SHROOM3: variants seen among roughly 807,000 people sequenced by gnomAD.
SHROOM3 encodes the protein protein Shroom3.
Under a neutral mutation model 138.6 loss-of-function variants are expected in SHROOM3, and 47 were observed. The ratio of observed to expected loss-of-function variants is 0.34; its 90% CI spans 0.27 to 0.43. The LOEUF is 0.43. SHROOM3 is among the 20% of genes least tolerant of loss of function. The pLI, the probability that SHROOM3 is intolerant of heterozygous loss-of-function variation, is 1.00. For missense variants in SHROOM3, 2,491 were observed against 2,596.5 expected (o/e 0.96, Z 0.88); for synonymous variants, 1,062 against 1,063.3 (o/e 1.00, Z 0.02).
rs796647227 is a variant in SHROOM3 at position 76,731,780 on chromosome 4, C to CA, written c.587+855dup. Among the ~76,000 whole-genome samples, 402 of 113,388 alleles carry CA rather than the reference C, an allele frequency of 3.5e-3. 2 individuals are homozygous for CA. Among genetic ancestry groups the CA allele is most frequent in the Middle Eastern group, 0.018 (4 of 220 alleles). The allele number at this position is 113,388 out of a possible 152,430, so 74.4% of individuals were successfully genotyped here. A position where few individuals can be genotyped will look rare whatever the true frequency, so the allele number is the denominator to read the frequency against. ...TGGGTGACAGAGTAAGACTTCATCT[C>CA]AAAAAAAAAACAAACAAACAAACAA... On this transcript the variant is annotated intron_variant, in intron 4 of 10. Coordinates refer to ENST00000296043, the MANE Select transcript of SHROOM3 (RefSeq NM_020859.4).
rs747974205 is a variant in SHROOM3 at position 76,667,966 on chromosome 4, CAAAAAAAA to C, written c.324-42171_324-42164del. ...TGGGCGACAGAAGGAGACTCCCTCT[CAAAAAAAA>C]AAAAAAAAAAAAAAAAAAGTTGTTC... is the stretch of plus-strand genomic sequence containing the variant. On this transcript the variant is annotated intron_variant, in intron 2 of 10. Transcript: ENST00000296043. Among the ~76,000 whole-genome samples, 11 of 62,558 alleles carry C rather than the reference CAAAAAAAA, an allele frequency of 1.8e-4. 1 individual carries two copies. Among genetic ancestry groups the C allele is most frequent in the African/African-American group, 2.6e-4 (4 of 15,470 alleles). The allele number at this position is 62,558 out of a possible 152,430, so 41.0% of individuals were successfully genotyped here.
At chr4:76,537,341 G>A (rs1243788495) in intron 1 of SHROOM3, among the ~76,000 whole-genome samples, 1 of 152,178 alleles carries the variant, frequency 6.6e-6, no homozygotes, top group Non-Finnish European at 1.5e-5. Context: ...GGGGCAGAGT[G>A]TATGATTGCC....
At chr4:76,463,314 G>A (rs1731178783) in intron 1 of SHROOM3, among the ~76,000 whole-genome samples, 1 of 152,142 alleles carries the variant, frequency 6.6e-6, no homozygotes, top group South Asian at 2.1e-4. Context: ...AATGATTTAG[G>A]GTATCTGGTG....
chr4:76,736,209 A>G (rs1205755323), intron 4 of SHROOM3, among the ~76,000 whole-genome samples: 1 of 152,058 alleles, frequency 6.6e-6, no homozygotes, highest in East Asian at 1.9e-4. Flanking sequence ...CTCTTTATTT[A>G]GAGGGGAATG....
chr4:76,632,834 A>G (rs930241800), intron 2 of SHROOM3, among the ~76,000 whole-genome samples: 4 of 152,144 alleles, frequency 2.6e-5, no homozygotes, highest in Admixed American at 6.5e-5. Context: ...CTTGATGAGT[A>G]TCCATGTTGC....
intron 1 of SHROOM3, among the ~76,000 whole-genome samples, chr4:76,484,323 G>T (rs369944569): frequency 6.6e-6 from 1 of 151,892 alleles, no homozygotes; most frequent in Non-Finnish European, 1.5e-5. Context: ...TGTCATCCCC[G>T]CACTTTGAGA....
chr4:76,562,900 A>AT (rs1335718442), intron 2 of SHROOM3, among the ~76,000 whole-genome samples: 5 of 152,296 alleles, frequency 3.3e-5, no homozygotes, highest in African/African-American at 1.2e-4. Flanking sequence ...TAAAAAGCAT[A>AT]TTTTTTTCTT....
chr4:76,753,480 T>C (rs1392450924), intron 6 of SHROOM3, among the ~76,000 whole-genome samples: 1 of 152,180 alleles, frequency 6.6e-6, no homozygotes, highest in Middle Eastern at 3.2e-3. Flanking sequence ...GTCAGGGAAC[T>C]GCAGACAGGG....
rs557586923 is a variant in SHROOM3, at chr4:76,687,446, C to T, written c.324-22710C>T. Reference sequence around the variant, plus strand: ...GGCTGGGAGTTTACACATACACACACTTGATATGTGTAACTATTTCAGGTC... The same window carrying T: ...GGCTGGGAGTTTACACATACACACATTTGATATGTGTAACTATTTCAGGTC... On this transcript the variant is annotated intron_variant, in intron 2 of 10. Transcript: ENST00000296043. Among the ~76,000 whole-genome samples the T allele has an allele frequency of 2.0e-3, 304 of 152,294 alleles. 1 individual carries two copies. Among genetic ancestry groups the T allele is most frequent in the African/African-American group, 7.1e-3 (295 of 41,566 alleles).
At chr4:76,751,037 C>T (rs1721606085) in intron 6 of SHROOM3, among the ~76,000 whole-genome samples, 1 of 152,130 alleles carries the variant, frequency 6.6e-6, no homozygotes, top group South Asian at 2.1e-4. Flanking sequence ...GTGCAGCCGA[C>T]AGGAAAACAT....
At chr4:76,554,704 G>GCCAC (rs1733443355) in intron 1 of SHROOM3, among the ~76,000 whole-genome samples, 1 of 152,138 alleles carries the variant, frequency 6.6e-6, no homozygotes, top group Non-Finnish European at 1.5e-5. Context: ...ACAGGCATGA[G>GCCAC]CCACCGTACC....
chr4:76,626,194 G>C (rs139303563), intron 2 of SHROOM3, among the ~76,000 whole-genome samples: 1 of 152,080 alleles, frequency 6.6e-6, no homozygotes, highest in Non-Finnish European at 1.5e-5. Context: ...AAAATTCAAC[G>C]CTGGGAAATC....
intron 2 of SHROOM3, among the ~76,000 whole-genome samples, chr4:76,612,213 T>A (rs1481226524): frequency 1.3e-5 from 2 of 152,182 alleles, no homozygotes; most frequent in Admixed American, 1.3e-4. Flanking sequence ...AATTTTAATC[T>A]GTGTGCAGCT....
chr4:76,581,141 A>G (rs897447443), intron 2 of SHROOM3, among the ~76,000 whole-genome samples: 15 of 152,054 alleles, frequency 9.9e-5, no homozygotes, highest in Non-Finnish European at 2.1e-4. Flanking sequence ...TTTACCTGCT[A>G]TTCTTAGCAC....
chr4:76,456,688 A>T (rs918432892), intron 1 of SHROOM3, among the ~76,000 whole-genome samples: 1 of 152,224 alleles, frequency 6.6e-6, no homozygotes, highest in Non-Finnish European at 1.5e-5. Context: ...CGATTTATAG[A>T]TATACATGTC....
At chr4:76,727,829 A>G (rs551698251) in intron 3 of SHROOM3, among the ~76,000 whole-genome samples, 22 of 145,438 alleles carry the variant, frequency 1.5e-4, no homozygotes, top group Admixed American at 8.8e-4. Context: ...TGGAAGTTGC[A>G]GTGAGCCAAG....
intron 2 of SHROOM3, among the ~76,000 whole-genome samples, chr4:76,633,656 CAA>C (rs869138315): frequency 0.021 from 1,887 of 88,728 alleles, 20 homozygotes; most frequent in African/African-American, 0.071. Flanking sequence ...GACTCCGTCT[CAA>C]AAAAAAAAAA....
intron 3 of SHROOM3, among the ~76,000 whole-genome samples, chr4:76,718,732 G>A (rs959753421): frequency 6.6e-6 from 1 of 152,156 alleles, no homozygotes; most frequent in Admixed American, 6.5e-5. Context: ...ATTTGCTTTT[G>A]TTTAATGGAG....
intron 9 of SHROOM3, among the ~76,000 whole-genome samples, chr4:76,767,246 C>A (rs2109788606): frequency 6.6e-6 from 1 of 152,316 alleles, no homozygotes; most frequent in African/African-American, 2.4e-5. Context: ...CCGGAGAGAG[C>A]TGTTGACCTG....
Sources: allele counts gnomAD v4.1 joint callset (sites outside exome capture counted in the v4.1 genomes callset), GRCh38; gene constraint gnomAD v4.1.1; transcripts MANE v1.5; gene names NCBI Gene and HGNC (gene_info 2026-07-23, HGNC 2026-07-21).